Variants in ZGRF1 observed in about 807,000 individuals in gnomAD.
ZGRF1 encodes the protein 5'-3' DNA helicase ZGRF1.
A neutral mutation model predicts 203.5 loss-of-function variants in ZGRF1; 196 were observed. The observed-to-expected ratio is 0.96, with a 90% CI of 0.86 to 1.08. The LOEUF (loss-of-function observed/expected upper bound fraction) is 1.08. Among genes scored for constraint, ZGRF1 ranks in the 50% least tolerant of loss-of-function variants. The probability of loss-of-function intolerance (pLI) is 0.00; values close to 1 mark genes in which losing one functional copy is unlikely to be tolerated. For synonymous variants in ZGRF1, 809 were observed against 841.3 expected, an observed-to-expected ratio of 0.96 and a Z score of 0.66; for missense variants, 2,326 against 2,416.3, an observed-to-expected ratio of 0.96 and a Z score of 0.78.
At chr4:112,627,054 G>T (rs2047262279) in intron 3 of ZGRF1, among the ~76,000 whole-genome samples, 1 of 152,098 alleles carries the variant, frequency 6.6e-6, no homozygotes, top group Non-Finnish European at 1.5e-5. Flanking sequence ...CAAGTGATCT[G>T]CCCATCTTGG....
At chr4:112,574,771 T>C (rs1340541964) in intron 16 of ZGRF1, among the ~76,000 whole-genome samples, 1 of 152,080 alleles carries the variant, frequency 6.6e-6, no homozygotes, top group Non-Finnish European at 1.5e-5. Context: ...GTGGCTCATG[T>C]CTGTAATCCC....
chr4:112,558,327 AG>A lies in ZGRF1; in HGVS notation c.4961-19del. ...AAACACACCTAATTATTTTAAAAGA[AG>A]AAAAAAATAAAAAGCATAAAATAAA... On this transcript the variant is annotated intron_variant, in intron 19 of 27. Coordinates refer to ENST00000505019, the MANE Select transcript of ZGRF1 (RefSeq NM_018392.5). The A allele has an allele frequency of 6.8e-7, 1 of 1,480,924 alleles. No individual in the cohort carries two copies. The highest frequency in any genetic ancestry group is 2.7e-5 in the East Asian group (1 of 37,540). 91.7% of individuals were successfully genotyped at this position (1,480,924 alleles called of 1,614,324 possible). A position where few individuals can be genotyped will look rare whatever the true frequency, so the allele number is the denominator to read the frequency against.
intron 6 of ZGRF1, among the ~76,000 whole-genome samples, chr4:112,616,554 G>A (rs10022515): frequency 0.61 from 90,277 of 149,184 alleles, 27,984 homozygotes; most frequent in East Asian, 0.95. Context: ...ACACAATTAT[G>A]GGCCAGGAGT....
chr4:112,569,840 A>T (rs1398586128), intron 16 of ZGRF1, among the ~76,000 whole-genome samples: 10 of 152,068 alleles, frequency 6.6e-5, no homozygotes, highest in Admixed American at 5.9e-4. Context: ...AAAGAAAGAT[A>T]AAAAAATGAA....
At chr4:112,621,938 G>C (rs979188603) in intron 4 of ZGRF1, among the ~76,000 whole-genome samples, 7 of 151,360 alleles carry the variant, frequency 4.6e-5, no homozygotes, top group Admixed American at 4.6e-4. Context: ...ATGTTGGTCA[G>C]GCTGGTCTTG....
chr4:112,610,178 G>A (rs992381347), intron 7 of ZGRF1, among the ~76,000 whole-genome samples: 1 of 151,962 alleles, frequency 6.6e-6, no homozygotes, highest in Non-Finnish European at 1.5e-5. Flanking sequence ...TGATAAAACA[G>A]TATTGTCATT....
At chr4:112,607,591 C>T (rs1446565390) in intron 8 of ZGRF1, among the ~76,000 whole-genome samples, 1 of 152,146 alleles carries the variant, frequency 6.6e-6, no homozygotes, top group Non-Finnish European at 1.5e-5. Context: ...TTTGAAAGTT[C>T]CTTCTACCAC....
Position 112,553,815 on chromosome 4 carries a change from T to G in ZGRF1, c.5346+20A>C. 1.3e-6 allele frequency: 2 copies of G among 1,581,310 alleles called. No individual in the cohort carries two copies. Among genetic ancestry groups the G allele is most frequent in the Non-Finnish European group, 8.6e-7 (1 of 1,168,936 alleles). ...TGGTATATATAAATCAAGAAACAAA[T>G]TGAAGCTACTACTTCTTACCTGCTT... On this transcript the variant is annotated intron_variant, in intron 22 of 27. Transcript: ENST00000505019.
intron 8 of ZGRF1, among the ~76,000 whole-genome samples, chr4:112,607,173 G>C (rs192353749): frequency 6.6e-6 from 1 of 151,950 alleles, no homozygotes; most frequent in Non-Finnish European, 1.5e-5. Context: ...CACCCAGGCT[G>C]GAGTGCAGTG....
intron 3 of ZGRF1, chr4:112,628,897 C>T: frequency 2.5e-6 from 1 of 405,778 alleles, no homozygotes; most frequent in Non-Finnish European, 4.8e-6. Context: ...TATAGAATAG[C>T]ATCAGACACT....
intron 10 of ZGRF1, 130 bp from the exon 11 acceptor site, chr4:112,590,004 G>T (rs771866768): frequency 1.1e-5 from 6 of 558,146 alleles, no homozygotes; most frequent in Non-Finnish European, 1.5e-5. Context: ...TATGGTGGGG[G>T]CAACAACTAT....
chr4:112,550,628 G>A (rs1401385314), intron 22 of ZGRF1, among the ~76,000 whole-genome samples: 3 of 152,132 alleles, frequency 2.0e-5, no homozygotes, highest in African/African-American at 4.8e-5. Flanking sequence ...TGAAGCAGGC[G>A]GATCGCTTAA....
chr4:112,617,444 A>T lies in ZGRF1; in HGVS notation c.2598T>A (p.Pro866=). ...AAATAGACATGCAATTCTAACCTTC[A>T]GGAGGGCTATCTGGCTCATACGTCT... ...TQQTYEPDSP[P]EVRKPFITVV... The change falls in exon 6 of 28, where the codon CCT becomes CCA. Residue 866 remains proline (P), a synonymous_variant. Transcript: ENST00000505019. The T allele has an allele frequency of 2.6e-6, 4 of 1,538,614 alleles. No individual in the cohort carries two copies. Among genetic ancestry groups the T allele is most frequent in the Non-Finnish European group, 3.5e-6 (4 of 1,148,168 alleles).
chr4:112,561,008 A>G lies in ZGRF1; in HGVS notation c.4698-13T>C. On this transcript the variant is annotated splice_polypyrimidine_tract_variant and intron_variant, in intron 18 of 27. Transcript: ENST00000505019. ...AGTTGGCGAAGACCTAATAAAAATGAAGCAAATAAACAATTTTAAAAAAAG... is the reference window on the plus strand; with the variant it reads ...AGTTGGCGAAGACCTAATAAAAATGGAGCAAATAAACAATTTTAAAAAAAG... The G allele has an allele frequency of 6.3e-7, 1 of 1,584,980 alleles. No homozygotes were observed. The highest frequency in any genetic ancestry group is 8.6e-7 in the Non-Finnish European group (1 of 1,157,344).
At chr4:112,611,020 C>A in intron 7 of ZGRF1, 2 of 213,492 alleles carry the variant, frequency 9.4e-6, no homozygotes, top group Non-Finnish European at 9.6e-6. Flanking sequence ...TCACTGTTTT[C>A]TGTATTTAGA....
Position 112,587,708 on chromosome 4 carries a change from C to T in ZGRF1, c.3349G>A (p.Asp1117Asn). 1.3e-6 allele frequency: 2 copies of T among 1,597,718 alleles called. No individual in the cohort carries two copies. Among genetic ancestry groups the T allele is most frequent in the Non-Finnish European group, 1.7e-6 (2 of 1,171,192 alleles). ...TCAGAGAAAAAGGTTTCATTTTGGT[C>T]CTCAGGCTCAATGCTAAACGAAAGA... ...AVLSFSIEPE[D>N]QNETFFSEES... Residue 1117 changes from aspartate (D) to asparagine (N), a missense_variant, in exon 12 of 28, where the codon GAC (aspartate) becomes AAC (asparagine). Transcript: ENST00000505019.
chr4:112,609,428 A>G lies in ZGRF1; in HGVS notation c.2669T>C (p.Ile890Thr). ...SPHLHKDSQQ[I>T]LKEDEVELSE... ...TAGTTCAACTTCATCTTCTTTTAGT[A>G]TCTTAGGAATAGAATATTAATTTTA... Residue 890 changes from isoleucine (I) to threonine (T), a missense_variant and splice_region_variant, in exon 8 of 28, where the codon ATA becomes ACA. Physicochemically the swap from Ile to Thr is moderately conservative, Grantham distance 89 (BLOSUM62 -1). Coordinates refer to ENST00000505019, the MANE Select transcript of ZGRF1 (RefSeq NM_018392.5). The G allele has an allele frequency of 1.3e-6, 2 of 1,507,842 alleles. No homozygotes were observed. The highest frequency in any genetic ancestry group is 1.8e-6 in the Non-Finnish European group (2 of 1,093,322). 93.4% of individuals were successfully genotyped at this position (1,507,842 alleles called of 1,614,324 possible). A position where few individuals can be genotyped will look rare whatever the true frequency, so the allele number is the denominator to read the frequency against.
At chr4:112,575,347 G>A (rs1249201276) in intron 16 of ZGRF1, among the ~76,000 whole-genome samples, 1 of 152,184 alleles carries the variant, frequency 6.6e-6, no homozygotes, top group East Asian at 1.9e-4. Flanking sequence ...CTCCCAGCGT[G>A]AGCAATGCAG....
chr4:112,629,011 T>C (rs1306857680), intron 3 of ZGRF1, among the ~76,000 whole-genome samples: 1 of 152,250 alleles, frequency 6.6e-6, no homozygotes, highest in Non-Finnish European at 1.5e-5. Flanking sequence ...AACATAGCGA[T>C]ATTAACTATG....
Sources: allele counts gnomAD v4.1 joint callset (sites outside exome capture counted in the v4.1 genomes callset), GRCh38; gene constraint gnomAD v4.1.1; transcripts MANE v1.5; gene names NCBI Gene and HGNC (gene_info 2026-07-23, HGNC 2026-07-21).